TNFAIP8: variants seen among roughly 807,000 people sequenced by gnomAD.
TNFAIP8 encodes tumor necrosis factor alpha-induced protein 8.
In TNFAIP8, 7 loss-of-function variants were observed where a neutral mutation model predicts 13.3. That is an observed-to-expected ratio of 0.52 (90% CI 0.30 to 0.99). The LOEUF (loss-of-function observed/expected upper bound fraction) is 0.99, where lower values mean the gene tolerates loss of function less well. Ranked by LOEUF, TNFAIP8 falls within the 50% of genes least tolerant of loss-of-function variation. The pLI, the probability that TNFAIP8 is intolerant of heterozygous loss-of-function variation, is 0.07. For synonymous variants in TNFAIP8, 94 were observed against 87.6 expected (o/e 1.07, Z -0.41); for missense variants, 258 against 236.9 (o/e 1.09, Z -0.58).
In TNFAIP8 at chr5:119,330,451, T is replaced by C. The variant is rs1333129893; in HGVS notation, c.1+61544T>C. Among the ~76,000 whole-genome samples the C allele has an allele frequency of 2.0e-5, 3 of 152,218 alleles. No individual in the cohort carries two copies. The East Asian group carries it at 5.8e-4, about 29-fold the overall frequency. ...TAAAGGAAATATTTTTCTTGGGGTATGTGATAAGCAGTTGATGAAACTAGG... is the reference window on the plus strand; with the variant it reads ...TAAAGGAAATATTTTTCTTGGGGTACGTGATAAGCAGTTGATGAAACTAGG... On this transcript the variant is annotated intron_variant, in intron 1 of 1. Coordinates refer to the TNFAIP8 transcript ENST00000274456.
At chr5:119,367,781 C>CATAGG (rs1751916506) in intron 1 of TNFAIP8, among the ~76,000 whole-genome samples, 1 of 152,146 alleles carries the variant, frequency 6.6e-6, no homozygotes, top group African/African-American at 2.4e-5. Flanking sequence ...GTCTTTGTCA[C>CATAGG]TCATTTCAAC....
At chr5:119,332,590 G>C (rs925712222) in intron 1 of TNFAIP8, among the ~76,000 whole-genome samples, 16 of 152,284 alleles carry the variant, frequency 1.1e-4, no homozygotes, top group African/African-American at 3.9e-4. Context: ...GGACAGCTGT[G>C]ATAGATACCA....
intron 1 of TNFAIP8, among the ~76,000 whole-genome samples, chr5:119,373,278 C>T (rs1450608539): frequency 6.6e-6 from 1 of 152,190 alleles, no homozygotes; most frequent in African/African-American, 2.4e-5. Context: ...ATTACTCTTA[C>T]CCCAAAATGT....
In TNFAIP8 at chr5:119,272,531, A is replaced by G. The variant is rs562618581; in HGVS notation, c.1+3624A>G. Among the ~76,000 whole-genome samples the G allele has an allele frequency of 5.9e-5, 9 of 152,366 alleles. No individual in the cohort carries two copies. In the East Asian group the frequency reaches 1.7e-3, roughly 29 times the overall value. On this transcript the variant is annotated intron_variant, in intron 1 of 1. Coordinates refer to the TNFAIP8 transcript ENST00000274456. ...GTCTTTCTCAACAATAAGAAACTCA[A>G]AAGAAGCACATTTCTGCCAACATCT...
upstream of TNFAIP8, chr5:119,355,511 A>G (rs1196552204): frequency 2.0e-5 from 12 of 588,982 alleles, no homozygotes; most frequent in African/African-American, 5.7e-5. Context: ...CTTTCCTACA[A>G]AAATAACATA....
upstream of TNFAIP8, among the ~76,000 whole-genome samples, chr5:119,353,973 G>C (rs1016498686): frequency 6.6e-6 from 1 of 152,188 alleles, no homozygotes; most frequent in African/African-American, 2.4e-5. Flanking sequence ...AAGATCTCTT[G>C]TGGACTATCT....
intron 1 of TNFAIP8, among the ~76,000 whole-genome samples, chr5:119,334,381 A>G (rs1304858542): frequency 2.6e-5 from 4 of 152,102 alleles, no homozygotes; most frequent in Non-Finnish European, 5.9e-5. Flanking sequence ...TTTACTTAAA[A>G]TTGTTCTGCT....
At chr5:119,360,481 A>G (rs1009478788) in intron 1 of TNFAIP8, among the ~76,000 whole-genome samples, 1 of 152,184 alleles carries the variant, frequency 6.6e-6, no homozygotes, top group African/African-American at 2.4e-5. Flanking sequence ...TGTTTAAGGA[A>G]GGTCTGTAGT....
intron 1 of TNFAIP8, among the ~76,000 whole-genome samples, chr5:119,327,404 C>G (rs1038000220): frequency 1.3e-5 from 2 of 152,250 alleles, no homozygotes; most frequent in South Asian, 2.1e-4. Flanking sequence ...ATACTCAAGA[C>G]GTTATAATTC....
chr5:119,379,525 A>G (rs181049328), intron 1 of TNFAIP8, among the ~76,000 whole-genome samples: 33 of 152,304 alleles, frequency 2.2e-4, no homozygotes, highest in Admixed American at 2.0e-3. Context: ...AGGCAGATAT[A>G]TAGCTTTTCT....
At chr5:119,336,442 C>A (rs17145196) in intron 1 of TNFAIP8, among the ~76,000 whole-genome samples, 15,949 of 152,200 alleles carry the variant, frequency 0.1, 1,047 homozygotes, top group African/African-American at 0.2. Flanking sequence ...GTGTTTCAAC[C>A]TGGTTCATCT....
At chr5:119,350,788 C>A (rs973363332) in intron 1 of TNFAIP8, among the ~76,000 whole-genome samples, 1 of 152,186 alleles carries the variant, frequency 6.6e-6, no homozygotes, top group East Asian at 1.9e-4. Flanking sequence ...CCCATAACTT[C>A]AAACTCCCAG....
intron 1 of TNFAIP8, among the ~76,000 whole-genome samples, chr5:119,343,102 A>G (rs750555203): frequency 2.6e-5 from 4 of 152,202 alleles, no homozygotes; most frequent in Non-Finnish European, 5.9e-5. Flanking sequence ...TGTTCAATCC[A>G]TCTTATTAAT....
chr5:119,291,858 C>T (rs987089008), intron 1 of TNFAIP8, among the ~76,000 whole-genome samples: 3 of 152,172 alleles, frequency 2.0e-5, no homozygotes, highest in Non-Finnish European at 4.4e-5. Context: ...TGAAAATCTC[C>T]CTCAAACTAA....
At chr5:119,331,208 T>C (rs796357708) in intron 1 of TNFAIP8, among the ~76,000 whole-genome samples, 3 of 152,112 alleles carry the variant, frequency 2.0e-5, no homozygotes, top group African/African-American at 7.2e-5. Flanking sequence ...GTGCTGTGCA[T>C]AGTCATATCT....
At chr5:119,381,714 G>C (rs75810953) in intron 1 of TNFAIP8, among the ~76,000 whole-genome samples, 2 of 152,016 alleles carry the variant, frequency 1.3e-5, no homozygotes, top group South Asian at 4.2e-4. Context: ...TGGCACTTTG[G>C]CCAGAGGAGT....
At chr5:119,271,742 G>A (rs1459125849) in intron 1 of TNFAIP8, among the ~76,000 whole-genome samples, 6 of 152,206 alleles carry the variant, frequency 3.9e-5, no homozygotes, top group Non-Finnish European at 7.3e-5. Flanking sequence ...CTCTGGCTCT[G>A]ATACAGAAGT....
At chr5:119,272,318 C>G (rs1748315370) in intron 1 of TNFAIP8, among the ~76,000 whole-genome samples, 1 of 152,160 alleles carries the variant, frequency 6.6e-6, no homozygotes, top group African/African-American at 2.4e-5. Context: ...TGAGCTCCTG[C>G]TATGTGCCTG....
At chr5:119,349,027 C>T (rs889462163) in intron 1 of TNFAIP8, among the ~76,000 whole-genome samples, 1 of 152,042 alleles carries the variant, frequency 6.6e-6, no homozygotes, top group Non-Finnish European at 1.5e-5. Flanking sequence ...GATGTGATGT[C>T]GTGCTGTCCT....
Sources: allele counts gnomAD v4.1 joint callset (sites outside exome capture counted in the v4.1 genomes callset), GRCh38; gene constraint gnomAD v4.1.1; transcripts MANE v1.5; gene names NCBI Gene and HGNC (gene_info 2026-07-23, HGNC 2026-07-21).